SLCO1A2: variants seen among roughly 807,000 people sequenced by gnomAD.
The protein encoded by SLCO1A2 is solute carrier organic anion transporter family member 1A2.
SLCO1A2 carries 67 observed loss-of-function variants against 69.0 expected under a neutral mutation model. The ratio of observed to expected loss-of-function variants is 0.97; its 90% CI spans 0.80 to 1.19. The LOEUF is 1.19. Ranked by LOEUF, SLCO1A2 falls within the 50% of genes most tolerant of loss-of-function variation. SLCO1A2 has a pLI of 0.00. For synonymous variants in SLCO1A2, 260 were observed against 265.9 expected (o/e 0.98, Z 0.22); for missense variants, 787 against 793.7 (o/e 0.99, Z 0.10).
At chr12:21,345,781 A>C (rs1053586427) in intron 2 of SLCO1A2, among the ~76,000 whole-genome samples, 1 of 152,080 alleles carries the variant, frequency 6.6e-6, no homozygotes, top group Non-Finnish European at 1.5e-5. Flanking sequence ...AAATTCACCA[A>C]ATTTGCAAAT....
intron 1 of SLCO1A2, among the ~76,000 whole-genome samples, chr12:21,394,533 C>T (rs1352808941): frequency 6.8e-6 from 1 of 146,770 alleles, no homozygotes. Flanking sequence ...CAGAGAGAGA[C>T]ACTGTCTCAA....
intron 1 of SLCO1A2, among the ~76,000 whole-genome samples, chr12:21,390,833 T>C (rs565448112): frequency 6.6e-6 from 1 of 152,284 alleles, no homozygotes; most frequent in South Asian, 2.1e-4. Context: ...AAAGTCCCTC[T>C]TAGAGAGCCT....
intron 2 of SLCO1A2, among the ~76,000 whole-genome samples, chr12:21,323,608 A>G (rs567358237): frequency 1.3e-5 from 2 of 152,244 alleles, no homozygotes; most frequent in South Asian, 4.1e-4. Flanking sequence ...AACTTTAAAA[A>G]TACATATCTA....
At chr12:21,299,033 G>A (rs556903741) in intron 8 of SLCO1A2, among the ~76,000 whole-genome samples, 34 of 151,616 alleles carry the variant, frequency 2.2e-4, no homozygotes, top group Non-Finnish European at 4.3e-4. Flanking sequence ...ATAATAATGT[G>A]TGCTAGAATG....
chr12:21,377,113 A>G (rs1940255223), intron 1 of SLCO1A2, among the ~76,000 whole-genome samples: 1 of 152,194 alleles, frequency 6.6e-6, no homozygotes, highest in African/African-American at 2.4e-5. Context: ...TGAGTTTATA[A>G]GTATTATTAT....
chr12:21,312,026 GAGAAGAAGAAGAGGAAGA>G (rs1950257044), intron 4 of SLCO1A2, among the ~76,000 whole-genome samples: 1 of 148,926 alleles, frequency 6.7e-6, no homozygotes, highest in Admixed American at 6.7e-5. Context: ...GAGGGAGGAG[GAGAAGAAGAAGAGGAAGA>G]AGAAGAGGAG....
chr12:21,335,336 G>T (rs563006224), upstream of SLCO1A2, among the ~76,000 whole-genome samples: 14 of 151,812 alleles, frequency 9.2e-5, no homozygotes, highest in African/African-American at 1.9e-4. Context: ...TAAGATGTAA[G>T]ACTTAGGAGA....
intron 2 of SLCO1A2, among the ~76,000 whole-genome samples, chr12:21,360,980 G>T: frequency 6.6e-6 from 1 of 152,216 alleles, no homozygotes; most frequent in East Asian, 1.9e-4. Context: ...CTGAATAAAA[G>T]GCAGCAGAAA....
In SLCO1A2 at chr12:21,297,557, A is replaced by C. The variant is rs1947924186; in HGVS notation, c.922T>G (p.Phe308Val). The C allele has an allele frequency of 6.4e-7, 1 of 1,570,284 alleles. No individual in the cohort carries two copies. The highest frequency in any genetic ancestry group is 8.7e-7 in the Non-Finnish European group (1 of 1,151,018). Residue 308 changes from phenylalanine (F) to valine (V), a missense_variant, in exon 9 of 15, where the codon TTC (phenylalanine) becomes GTC (valine). By Grantham distance (50) the Phe-to-Val change is conservative (BLOSUM62 -1). Transcript: ENST00000683939. ...KYGITKDFLP[F>V]MKSLSCNPIY... ...GGATTGCAGGAAAGACTTTTCATGA[A>C]AGGTAGAAAATCTGAAATGAAAGAA... is the stretch of plus-strand genomic sequence containing the variant.
intron 1 of SLCO1A2, among the ~76,000 whole-genome samples, chr12:21,411,213 T>C (rs1941901365): frequency 6.6e-6 from 1 of 152,240 alleles, no homozygotes; most frequent in Non-Finnish European, 1.5e-5. Context: ...CCTAAAGTTG[T>C]TAAAAAACAG....
Position 21,378,149 on chromosome 12 carries a change from T to C in SLCO1A2, c.-189-3624A>G, listed in dbSNP as rs1198746214. 4.1e-5 allele frequency: 50 copies of C among 1,211,124 alleles called. No homozygotes were observed. The East Asian group carries it at 1.2e-3, about 28-fold the overall frequency. 75.0% of individuals were successfully genotyped at this position (1,211,124 alleles called of 1,614,324 possible). A position where few individuals can be genotyped will look rare whatever the true frequency, so the allele number is the denominator to read the frequency against. The stretch of plus-strand genomic sequence containing the variant: ...TATGTGAAAATTGTTTCTTTGGTTT[T>C]CATCAATACAAGATATTTGATGTCA... On this transcript the variant is annotated intron_variant, in intron 1 of 15. Coordinates refer to the SLCO1A2 transcript ENST00000307378.
chr12:21,304,524 G>T lies in SLCO1A2; in HGVS notation c.492C>A (p.Gly164=). 1 of 1,612,442 alleles carries T rather than the reference G, an allele frequency of 6.2e-7. No individual in the cohort carries two copies. Among genetic ancestry groups the T allele is most frequent in the Non-Finnish European group, 8.5e-7 (1 of 1,178,886 alleles). The change falls in exon 6 of 15, where the codon GGC becomes GGA. Residue 164 remains glycine, a synonymous_variant. Coordinates refer to ENST00000683939, the MANE Select transcript of SLCO1A2 (RefSeq NM_001386879.1). ...TTTCACCCATTCCACGTACAATATT[G>T]CCTACTAGGACGTACACCCACATTA... ...KSLMWVYVLV[G]NIVRGMGETP...
At chr12:21,378,393 A>C in intron 1 of SLCO1A2, 1 of 1,614,168 alleles carries the variant, frequency 6.2e-7, no homozygotes, top group Non-Finnish European at 8.5e-7. Flanking sequence ...TAGAGGTTTT[A>C]AAGAGAGAGC....
chr12:21,305,208 T>C (rs1949213796), intron 5 of SLCO1A2, among the ~76,000 whole-genome samples: 1 of 152,184 alleles, frequency 6.6e-6, no homozygotes, highest in Non-Finnish European at 1.5e-5. Context: ...CCGCAGCTGC[T>C]TAGTAGAGTA....
chr12:21,395,785 T>G (rs1307129303), upstream of SLCO1A2, among the ~76,000 whole-genome samples: 1 of 151,932 alleles, frequency 6.6e-6, no homozygotes, highest in African/African-American at 2.4e-5. Context: ...AACGGCAGGG[T>G]ACTCCAACAG....
chr12:21,284,075 C>A (rs945516573), intron 12 of SLCO1A2, among the ~76,000 whole-genome samples: 2 of 152,110 alleles, frequency 1.3e-5, no homozygotes, highest in African/African-American at 4.8e-5. Flanking sequence ...AATATATACC[C>A]AAAAGAAAGG....
At chr12:21,401,628 A>G (rs1941708018) in intron 1 of SLCO1A2, among the ~76,000 whole-genome samples, 1 of 151,660 alleles carries the variant, frequency 6.6e-6, no homozygotes, top group South Asian at 2.1e-4. Flanking sequence ...TTTAATTTTA[A>G]TCATTTTATA....
upstream of SLCO1A2, among the ~76,000 whole-genome samples, chr12:21,398,248 C>A (rs1490297430): frequency 6.6e-6 from 1 of 151,220 alleles, no homozygotes; most frequent in Non-Finnish European, 1.5e-5. Context: ...ACAAACACCT[C>A]TACGCAAATA....
At chr12:21,277,396 C>T (rs1447719175) in intron 12 of SLCO1A2, among the ~76,000 whole-genome samples, 6 of 152,056 alleles carry the variant, frequency 3.9e-5, no homozygotes, top group Admixed American at 2.0e-4. Flanking sequence ...AACAGCTATA[C>T]GCAGGTAGTA....
Sources: allele counts gnomAD v4.1 joint callset (sites outside exome capture counted in the v4.1 genomes callset), GRCh38; gene constraint gnomAD v4.1.1; transcripts MANE v1.5; gene names NCBI Gene and HGNC (gene_info 2026-07-23, HGNC 2026-07-21).